Variants in RALYL observed in about 807,000 individuals in gnomAD.
RALYL encodes RNA-binding Raly-like protein.
A neutral mutation model predicts 35.1 loss-of-function variants in RALYL; 29 were observed. The ratio of observed to expected loss-of-function variants is 0.83; its 90% CI spans 0.61 to 1.13. The LOEUF is 1.13. Among genes scored for constraint, RALYL ranks in the 50% most tolerant of loss-of-function variants. RALYL has a pLI of 0.00. For synonymous variants in RALYL, 120 were observed against 127.6 expected (o/e 0.94, Z 0.40); for missense variants, 359 against 360.4 (o/e 1.00, Z 0.03).
chr8:84,373,650 G>T (rs748346085), intron 1 of RALYL, among the ~76,000 whole-genome samples: 5 of 152,004 alleles, frequency 3.3e-5, no homozygotes, highest in Admixed American at 6.6e-5. Context: ...GTCAGGTAGC[G>T]TGATGCCTCC....
At chr8:84,751,314 T>A (rs551992658) in intron 2 of RALYL, among the ~76,000 whole-genome samples, 5 of 152,148 alleles carry the variant, frequency 3.3e-5, no homozygotes, top group African/African-American at 1.2e-4. Context: ...TTCAAGCAGT[T>A]CTCCTGCCTC....
chr8:84,473,465 A>G (rs2053035826), intron 1 of RALYL, among the ~76,000 whole-genome samples: 1 of 151,882 alleles, frequency 6.6e-6, no homozygotes, highest in African/African-American at 2.4e-5. Context: ...GCAATATTTG[A>G]TATAGAATAA....
intron 7 of RALYL, among the ~76,000 whole-genome samples, chr8:84,883,148 T>C (rs970176804): frequency 6.6e-5 from 10 of 152,020 alleles, no homozygotes; most frequent in East Asian, 5.8e-4. Context: ...AGCTTTTTTT[T>C]CCCTCAACTC....
At chr8:84,764,829 C>T (rs1253107623) in intron 2 of RALYL, among the ~76,000 whole-genome samples, 2 of 152,184 alleles carry the variant, frequency 1.3e-5, no homozygotes, top group Non-Finnish European at 2.9e-5. Flanking sequence ...GGACATACTT[C>T]AAGTGTTAAA....
At chr8:84,908,971 A>T (rs985014119) in intron 8 of RALYL, among the ~76,000 whole-genome samples, 1 of 151,932 alleles carries the variant, frequency 6.6e-6, no homozygotes, top group Non-Finnish European at 1.5e-5. Context: ...ACAGAGTTTG[A>T]TACCTCACAA....
intron 1 of RALYL, among the ~76,000 whole-genome samples, chr8:84,248,401 G>C (rs1029088655): frequency 2.0e-5 from 3 of 152,058 alleles, no homozygotes; most frequent in Non-Finnish European, 4.4e-5. Context: ...TTTCCCAAGG[G>C]ATAGCACTTG....
intron 2 of RALYL, among the ~76,000 whole-genome samples, chr8:84,620,755 T>C (rs2131061682): frequency 6.6e-6 from 1 of 151,638 alleles, no homozygotes; most frequent in East Asian, 1.9e-4. Context: ...ATGATGGTGA[T>C]GTACAGATGG....
At chr8:84,242,417 A>G (rs889256776) in intron 1 of RALYL, among the ~76,000 whole-genome samples, 3 of 152,222 alleles carry the variant, frequency 2.0e-5, no homozygotes, top group Non-Finnish European at 4.4e-5. Context: ...AGGAATTGCT[A>G]CAGTGTCTTC....
At chr8:84,865,414 A>C (rs1037875186) in intron 6 of RALYL, among the ~76,000 whole-genome samples, 1 of 152,206 alleles carries the variant, frequency 6.6e-6, no homozygotes, top group African/African-American at 2.4e-5. Context: ...CAGAATTTGT[A>C]ATATGACTGA....
At chr8:84,350,481 C>T (rs531278528) in intron 1 of RALYL, among the ~76,000 whole-genome samples, 4 of 149,992 alleles carry the variant, frequency 2.7e-5, no homozygotes, top group Admixed American at 6.6e-5. Context: ...TGTCCCTGGT[C>T]GAGACAGTAC....
At chr8:84,757,784 C>A (rs535836185) in intron 2 of RALYL, among the ~76,000 whole-genome samples, 6 of 152,030 alleles carry the variant, frequency 3.9e-5, no homozygotes, top group Admixed American at 2.0e-4. Flanking sequence ...AGTGTCTTAG[C>A]GTGAATGGTT....
At chr8:84,540,069 T>C (rs1161635565) in intron 2 of RALYL, among the ~76,000 whole-genome samples, 1 of 151,724 alleles carries the variant, frequency 6.6e-6, no homozygotes, top group African/African-American at 2.4e-5. Context: ...TATTTATTGA[T>C]GTATTTATGA....
At chr8:84,652,228 A>G (rs879114293) in intron 2 of RALYL, among the ~76,000 whole-genome samples, 1 of 152,142 alleles carries the variant, frequency 6.6e-6, no homozygotes, top group Non-Finnish European at 1.5e-5. Flanking sequence ...AGCATTTTAA[A>G]TCAATCAGTC....
intron 5 of RALYL, among the ~76,000 whole-genome samples, chr8:84,850,645 T>C (rs1835657990): frequency 6.6e-6 from 1 of 152,202 alleles, no homozygotes. Context: ...TTTAAAACAA[T>C]AAAATATTAA....
intron 2 of RALYL, among the ~76,000 whole-genome samples, chr8:84,723,547 C>G (rs567454641): frequency 6.6e-6 from 1 of 152,012 alleles, no homozygotes; most frequent in South Asian, 2.1e-4. Flanking sequence ...CGAAGCTAAA[C>G]TTTTGATTTC....
intron 2 of RALYL, among the ~76,000 whole-genome samples, chr8:84,571,421 T>C (rs1807957179): frequency 1.3e-5 from 2 of 151,870 alleles, no homozygotes; most frequent in Admixed American, 1.3e-4. Flanking sequence ...CATAGTAGTC[T>C]CTGATGATCT....
At chr8:84,707,921 T>C (rs955721365) in intron 2 of RALYL, among the ~76,000 whole-genome samples, 6 of 152,130 alleles carry the variant, frequency 3.9e-5, no homozygotes, top group African/African-American at 1.4e-4. Context: ...TTCAGTCATA[T>C]CTTTTATGCG....
intron 1 of RALYL, among the ~76,000 whole-genome samples, chr8:84,468,962 A>C (rs1459089471): frequency 6.6e-6 from 1 of 150,684 alleles, no homozygotes; most frequent in Admixed American, 6.6e-5. Context: ...TGCATTCTTC[A>C]CGTAGTTCTC....
chr8:84,630,276 C>G (rs539752413), intron 2 of RALYL, among the ~76,000 whole-genome samples: 1 of 152,058 alleles, frequency 6.6e-6, no homozygotes, highest in Admixed American at 6.6e-5. Context: ...GCTTGGCTAC[C>G]TAGTGTGCTC....
Sources: gnomAD v4.1 joint callset for allele counts (sites outside exome capture counted in the v4.1 genomes callset) on GRCh38, gnomAD v4.1.1 for gene constraint, MANE v1.5 for transcripts, NCBI Gene and HGNC (gene_info 2026-07-23, HGNC 2026-07-21) for gene names.